The following SPATA13 variants were observed in gnomAD, a reference collection of about 807,000 sequenced individuals.
SPATA13 encodes spermatogenesis-associated protein 13.
In SPATA13, 50 loss-of-function variants were observed where a neutral mutation model predicts 104.0. The ratio of observed to expected loss-of-function variants is 0.48; its 90% CI spans 0.38 to 0.61. SPATA13 has a LOEUF of 0.61. SPATA13 is among the 20% of genes least tolerant of loss of function. The probability of loss-of-function intolerance (pLI) is 0.00; values close to 1 mark genes in which losing one functional copy is unlikely to be tolerated. For missense variants in SPATA13, 1,524 were observed against 1,690.6 expected, an observed-to-expected ratio of 0.90 and a Z score of 1.73; for synonymous variants, 606 against 667.5, an observed-to-expected ratio of 0.91 and a Z score of 1.42.
At chr13:24,250,539 A>G (rs1025471485) in intron 3 of SPATA13, among the ~76,000 whole-genome samples, 2 of 152,230 alleles carry the variant, frequency 1.3e-5, no homozygotes, top group African/African-American at 4.8e-5. Context: ...AGTAATATAT[A>G]TGCCCACTTT....
At chr13:24,253,698 C>G (rs1226000526) in intron 4 of SPATA13, among the ~76,000 whole-genome samples, 1 of 152,028 alleles carries the variant, frequency 6.6e-6, no homozygotes, top group Non-Finnish European at 1.5e-5. Context: ...GGGAGATAGC[C>G]TCCTCTCCAA....
At chr13:24,280,753 G>A (rs997103813) in intron 4 of SPATA13, among the ~76,000 whole-genome samples, 6 of 151,850 alleles carry the variant, frequency 4.0e-5, no homozygotes, top group African/African-American at 1.5e-4. Context: ...TGTTTCCCTT[G>A]GAGTCTAAAA....
intron 2 of SPATA13, among the ~76,000 whole-genome samples, chr13:23,999,398 G>A (rs966238252): frequency 1.1e-4 from 10 of 91,624 alleles, no homozygotes; most frequent in East Asian, 2.4e-4. Context: ...AAGCCTGTTC[G>A]GATATTGATT....
At chr13:24,123,959 G>T in intron 3 of SPATA13, 2 of 516,390 alleles carry the variant, frequency 3.9e-6, no homozygotes, top group Non-Finnish European at 6.8e-6. Flanking sequence ...GGCAGACTCT[G>T]GCCATGGGAA....
At chr13:24,090,216 T>C (rs1347331785) in intron 3 of SPATA13, among the ~76,000 whole-genome samples, 1 of 151,914 alleles carries the variant, frequency 6.6e-6, no homozygotes, top group Non-Finnish European at 1.5e-5. Context: ...TGGACTTTCC[T>C]CTGCTTTGCA....
At chr13:24,198,961 T>TTA (rs1870246097) in intron 1 of SPATA13, among the ~76,000 whole-genome samples, 1 of 151,820 alleles carries the variant, frequency 6.6e-6, no homozygotes, top group Non-Finnish European at 1.5e-5. Context: ...CTTTTTTTTT[T>TTA]TTTTTAAGGC....
intron 3 of SPATA13, among the ~76,000 whole-genome samples, chr13:24,087,838 G>C (rs1349724794): frequency 6.6e-6 from 1 of 152,132 alleles, no homozygotes; most frequent in Non-Finnish European, 1.5e-5. Flanking sequence ...ACACAGCCTA[G>C]GTGGAGCTGC....
chr13:24,297,441 C>T lies in SPATA13; in HGVS notation c.3289C>T (p.Gln1097Ter), dbSNP rs1876861284. Reference sequence around the variant, plus strand: ...CAAAATCACTAAGCAAGGCAAAAGCCAGCAGCGGACGTTCTTCCTGTTTGA... The same window carrying T: ...CAAAATCACTAAGCAAGGCAAAAGCTAGCAGCGGACGTTCTTCCTGTTTGA... Reference protein sequence around the residue: ...LTKITKQGKSQQRTFFLFDHQ... With the variant: ...LTKITKQGKS The change falls in exon 11 of 13, where the codon CAG becomes TAG. Residue 1097 changes from glutamine (Q) to a stop codon, truncating the protein, a stop_gained. Coordinates refer to ENST00000382108, the MANE Select transcript of SPATA13 (RefSeq NM_001166271.3). LOFTEE classifies it high-confidence loss of function. The T allele has an allele frequency of 6.2e-7, 1 of 1,614,114 alleles. No homozygotes were observed. The highest frequency in any genetic ancestry group is 8.5e-7 in the Non-Finnish European group (1 of 1,180,004).
chr13:24,297,478 T>C lies in SPATA13; in HGVS notation c.3326T>C (p.Val1109Ala). ...TTCTTCCTGTTTGACCACCAGCTGGTGTCCTGCAAGAAGGACCTGCTGCGC... is the reference window on the plus strand; with the variant it reads ...TTCTTCCTGTTTGACCACCAGCTGGCGTCCTGCAAGAAGGACCTGCTGCGC... ...RTFFLFDHQL[V>A]SCKKDLLRRD... The change falls in exon 11 of 13, where the codon GTG becomes GCG. Residue 1109 changes from valine to alanine, a missense_variant. Physicochemically the swap from Val to Ala is moderately conservative, Grantham distance 64. Transcript: ENST00000382108. 1 of 1,614,192 alleles carries C rather than the reference T, an allele frequency of 6.2e-7. No homozygotes were observed. The highest frequency in any genetic ancestry group is 8.5e-7 in the Non-Finnish European group (1 of 1,180,034).
intron 3 of SPATA13, among the ~76,000 whole-genome samples, chr13:24,027,134 GTT>G (rs59906180): frequency 2.1e-4 from 24 of 112,074 alleles, no homozygotes; most frequent in Non-Finnish European, 3.3e-4. Context: ...TTGTTTAGCC[GTT>G]TTTTTTTTTT....
intron 2 of SPATA13, among the ~76,000 whole-genome samples, chr13:23,999,368 C>CAAAAAAAAAAAAAAAA (rs34668799): frequency 3.2e-5 from 3 of 94,364 alleles, no homozygotes; most frequent in Non-Finnish European, 4.2e-5. Flanking sequence ...CATTTTCTAC[C>CAAAAAAAAAAAAAAAA]AAAAAAAAAA....
chr13:24,056,619 A>C (rs1208214790), intron 3 of SPATA13, among the ~76,000 whole-genome samples: 1 of 152,166 alleles, frequency 6.6e-6, no homozygotes, highest in African/African-American at 2.4e-5. Flanking sequence ...TCTAGCACAT[A>C]GGAGGGAATA....
Position 24,304,214 on chromosome 13 carries a change from C to G in SPATA13, c.*1441C>G, listed in dbSNP as rs997872469. ...ATAAAAAAAGACCTTCACAAAATAT[C>G]TTGGCTTAGAGATAGCAGTCTTTAT... is the stretch of plus-strand genomic sequence containing the variant. On this transcript the variant is annotated 3_prime_UTR_variant, in exon 13 of 13. Coordinates refer to ENST00000382108, the MANE Select transcript of SPATA13 (RefSeq NM_001166271.3). The G allele has an allele frequency of 6.6e-6, 1 of 152,230 alleles. No homozygotes were observed. Among genetic ancestry groups the G allele is most frequent in the African/African-American group, 2.4e-5 (1 of 41,448 alleles). The allele number at this position is 152,230 out of a possible 1,614,324, so 9.4% of individuals were successfully genotyped here. A position where few individuals can be genotyped will look rare whatever the true frequency, so the allele number is the denominator to read the frequency against.
At chr13:24,100,509 A>G in intron 3 of SPATA13, among the ~76,000 whole-genome samples, 1 of 152,174 alleles carries the variant, frequency 6.6e-6, no homozygotes, top group Non-Finnish European at 1.5e-5. Flanking sequence ...CCAGTAGCAC[A>G]TGTGGCCTTT....
chr13:24,285,853 G>A (rs370640785), intron 5 of SPATA13, among the ~76,000 whole-genome samples: 1 of 152,024 alleles, frequency 6.6e-6, no homozygotes, highest in Non-Finnish European at 1.5e-5. Context: ...GCTAATTTTT[G>A]TATTTTTAGT....
intron 3 of SPATA13, among the ~76,000 whole-genome samples, chr13:24,093,562 A>G (rs9553166): frequency 0.091 from 13,798 of 152,230 alleles, 826 homozygotes; most frequent in South Asian, 0.16. Context: ...TCAGGCCCAA[A>G]ATGCTCCATT....
intron 1 of SPATA13, among the ~76,000 whole-genome samples, chr13:24,168,982 T>G (rs888461945): frequency 6.6e-6 from 1 of 152,240 alleles, no homozygotes; most frequent in African/African-American, 2.4e-5. Flanking sequence ...TCTTTTCTTC[T>G]TTTTTAGATT....
chr13:24,222,037 G>A (rs2004641), intron 1 of SPATA13, among the ~76,000 whole-genome samples: 30,291 of 151,992 alleles, frequency 0.2, 3,797 homozygotes, highest in African/African-American at 0.34. Context: ...GGTCTCGAAC[G>A]TCTGACCTCA....
chr13:24,069,131 T>A (rs1289097898), intron 3 of SPATA13, among the ~76,000 whole-genome samples: 3 of 152,212 alleles, frequency 2.0e-5, no homozygotes, highest in Non-Finnish European at 4.4e-5. Context: ...ATATGAATTT[T>A]AAAATATTTT....
Sources: allele counts gnomAD v4.1 joint callset (sites outside exome capture counted in the v4.1 genomes callset), GRCh38; gene constraint gnomAD v4.1.1; transcripts MANE v1.5; gene names NCBI Gene and HGNC (gene_info 2026-07-23, HGNC 2026-07-21).